Variants in KEAP1 observed in about 807,000 individuals in gnomAD.
KEAP1 encodes kelch-like ECH-associated protein 1.
Under a neutral mutation model 59.7 loss-of-function variants are expected in KEAP1, and 26 were observed. The observed-to-expected ratio is 0.44, with a 90% CI of 0.32 to 0.60. The LOEUF is 0.60. Among genes scored for constraint, KEAP1 ranks in the 20% least tolerant of loss-of-function variants. The pLI is 0.06. For synonymous variants in KEAP1, 350 were observed against 358.3 expected (o/e 0.98, Z 0.26); for missense variants, 539 against 871.4 (o/e 0.62, Z 4.80).
At chr19:10,497,579 C>T (rs1914893605) in intron 2 of KEAP1, among the ~76,000 whole-genome samples, 1 of 152,162 alleles carries the variant, frequency 6.6e-6, no homozygotes, top group Non-Finnish European at 1.5e-5. Context: ...ACAGCAAGTG[C>T]TCAATAAACA....
intron 2 of KEAP1, among the ~76,000 whole-genome samples, chr19:10,497,484 G>T (rs547808877): frequency 1.3e-5 from 2 of 152,288 alleles, no homozygotes; most frequent in South Asian, 4.1e-4. Flanking sequence ...GCTTGCCTAG[G>T]CTGAAGGGTA....
At chr19:10,494,306 G>T (rs1365945608) in intron 2 of KEAP1, among the ~76,000 whole-genome samples, 1 of 148,896 alleles carries the variant, frequency 6.7e-6, no homozygotes, top group Non-Finnish European at 1.5e-5. Flanking sequence ...TTACAGGTGT[G>T]CATCACCATA....
intron 1 of KEAP1, 29 bp from the exon 2 acceptor site, chr19:10,500,109 G>T (rs1208893368): frequency 2.1e-6 from 3 of 1,452,482 alleles, no homozygotes; most frequent in Non-Finnish European, 2.7e-6. Context: ...AGGGCAGAGG[G>T]CAGGGGTTGG....
rs2144632078 is a variant in KEAP1, at chr19:10,500,064, C to G, written c.-31G>C. 6.6e-7 allele frequency: 1 copy of G among 1,524,618 alleles called. No homozygotes were observed. Among genetic ancestry groups the G allele is most frequent in the Non-Finnish European group, 8.8e-7 (1 of 1,136,572 alleles). The allele number at this position is 1,524,618 out of a possible 1,614,324, so 94.4% of individuals were successfully genotyped here. A position where few individuals can be genotyped will look rare whatever the true frequency, so the allele number is the denominator to read the frequency against. ...TCCAGAAGATAAGCAACACCACCAC[C>G]TCTGGCACTCAGGGACCTGGAGGGG... On this transcript the variant is annotated 5_prime_UTR_variant, in exon 2 of 6. Transcript: ENST00000171111.
rs1330791324 is a variant in KEAP1, at chr19:10,502,317, G to A, written c.-48+924C>T. 6.6e-6 allele frequency: 1 copy of A among 152,316 alleles called. No individual in the cohort carries two copies. The highest frequency in any genetic ancestry group is 1.5e-5 in the Non-Finnish European group (1 of 68,156). The allele number at this position is 152,316 out of a possible 1,614,324, so 9.4% of individuals were successfully genotyped here. A position where few individuals can be genotyped will look rare whatever the true frequency, so the allele number is the denominator to read the frequency against. On this transcript the variant is annotated intron_variant, in intron 1 of 5. Transcript: ENST00000171111. This position sits in a 1 kb window ranked among gnomAD's most constrained non-coding sequence, Gnocchi z 4.0. ...GGGCACTTCCCCCACCCTACAAAGC[G>A]GCAAGTGGGCGACTGCGCATGCCCC...
chr19:10,491,806 C>T lies in KEAP1; in HGVS notation c.1096G>A (p.Ala366Thr), dbSNP rs2144599202. Residue 366 changes from alanine (A) to threonine (T), a missense_variant, in exon 3 of 6, where the codon GCC becomes ACC. By Grantham distance (58) the Ala-to-Thr change is moderately conservative. Around this residue, in one of 4 missense-constraint regions of KEAP1, gnomAD observed 311 missense variants for 425.2 expected, o/e 0.73. Coordinates refer to ENST00000171111, the MANE Select transcript of KEAP1 (RefSeq NM_203500.2). This position sits in a 1 kb window ranked among gnomAD's most constrained non-coding sequence, Gnocchi z 5.2. Reference protein sequence around the residue: ...ADLQVPRSGLAGCVVGGLLYA... With the variant: ...ADLQVPRSGLTGCVVGGLLYA... ...AACAGCCCGCCCACCACGCAGCCGG[C>T]CAGGCCGCTCCGCGGCACCTGCAGG... The T allele has an allele frequency of 6.3e-7, 1 of 1,596,490 alleles. No individual in the cohort carries two copies. Among genetic ancestry groups the T allele is most frequent in the African/African-American group, 1.3e-5 (1 of 74,628 alleles).
chr19:10,489,481 A>C, intron 4 of KEAP1, 113 bp from the exon 5 acceptor site: 1 of 1,282,020 alleles, frequency 7.8e-7, no homozygotes, highest in Non-Finnish European at 1.1e-6. Flanking sequence ...ACCCTCAGAA[A>C]TGAAGCGGGG....
intron 2 of KEAP1, among the ~76,000 whole-genome samples, chr19:10,497,659 GGATT>G (rs1181829217): frequency 6.6e-6 from 1 of 152,146 alleles, no homozygotes; most frequent in Non-Finnish European, 1.5e-5. Context: ...CAAAGCCAGA[GGATT>G]GTTCAAAGCC....
chr19:10,498,967 T>C (rs1016184815), intron 2 of KEAP1, among the ~76,000 whole-genome samples: 5 of 152,106 alleles, frequency 3.3e-5, no homozygotes, highest in Admixed American at 2.0e-4. Flanking sequence ...CCTGAGCAGC[T>C]GGGACTACAG....
intron 5 of KEAP1, among the ~76,000 whole-genome samples, chr19:10,487,333 TG>T (rs1414259058): frequency 2.0e-5 from 3 of 149,680 alleles, no homozygotes. Flanking sequence ...GGCAACAGAG[TG>T]AGACCCTATC....
At chr19:10,487,482 C>A (rs1225110621) in intron 5 of KEAP1, among the ~76,000 whole-genome samples, 1 of 150,756 alleles carries the variant, frequency 6.6e-6, no homozygotes, top group Non-Finnish European at 1.5e-5. Context: ...CAGAGTGAAA[C>A]CCTGTATCTA....
rs778819830 is a variant in KEAP1, at chr19:10,491,549, G to C, written c.1325+28C>G. ...GGACTTGCCAGGAGCAGGACCCTCC[G>C]AGCCCACCCCCAGGCCCTGCCACTC... On this transcript the variant is annotated intron_variant, in intron 3 of 5. Transcript: ENST00000171111. The surrounding 1 kb of genome is among the most constrained non-coding windows in gnomAD (Gnocchi z 5.2). 6.7e-7 allele frequency: 1 copy of C among 1,486,300 alleles called. No individual in the cohort carries two copies. The highest frequency in any genetic ancestry group is 1.4e-5 in the South Asian group (1 of 71,616). The allele number at this position is 1,486,300 out of a possible 1,614,324, so 92.1% of individuals were successfully genotyped here.
At chr19:10,490,251 CAAAAAAAA>C (rs796097627) in intron 3 of KEAP1, 1 of 97,054 alleles carries the variant, frequency 1.0e-5, no homozygotes, top group Non-Finnish European at 2.1e-5. Context: ...GACTCCATCT[CAAAAAAAA>C]AAAAAGAAAA....
intron 2 of KEAP1, among the ~76,000 whole-genome samples, chr19:10,498,399 G>C (rs1044992699): frequency 6.6e-6 from 1 of 151,556 alleles, no homozygotes; most frequent in South Asian, 2.1e-4. Flanking sequence ...TAGAGATGGG[G>C]TTTCACCATA....
At chr19:10,493,930 A>G (rs1914764865) in intron 2 of KEAP1, among the ~76,000 whole-genome samples, 1 of 151,898 alleles carries the variant, frequency 6.6e-6, no homozygotes, top group South Asian at 2.1e-4. Flanking sequence ...TACAGGCGTG[A>G]GCCACCGGAC....
In KEAP1 at chr19:10,503,121, G is replaced by A. The variant is rs571052508; in HGVS notation, c.-48+120C>T. 6.6e-6 allele frequency: 1 copy of A among 152,232 alleles called. No homozygotes were observed. Among genetic ancestry groups the A allele is most frequent in the Admixed American group, 6.5e-5 (1 of 15,288 alleles). 9.4% of individuals were successfully genotyped at this position (152,232 alleles called of 1,614,324 possible). ...AGCCCCCAGGTCGCCTCCGTAGGGG[G>A]TCCCTCGGGGTGGGGATGGCCGGGG... On this transcript the variant is annotated intron_variant, in intron 1 of 5. Coordinates refer to ENST00000171111, the MANE Select transcript of KEAP1 (RefSeq NM_203500.2). The surrounding 1 kb of genome is among the most constrained non-coding windows in gnomAD (Gnocchi z 4.3).
chr19:10,489,122 GAAAGCA>G (rs1359636060), intron 5 of KEAP1, 64 bp downstream of exon 5: 415 of 695,086 alleles, frequency 6.0e-4, no homozygotes, highest in South Asian at 1.0e-3. Flanking sequence ...AAAAAAAAAG[GAAAGCA>G]AAAGCAAAAG....
At chr19:10,498,217 T>C (rs1914919243) in intron 2 of KEAP1, among the ~76,000 whole-genome samples, 1 of 126,566 alleles carries the variant, frequency 7.9e-6, no homozygotes, top group Non-Finnish European at 1.6e-5. Flanking sequence ...TTTTTTTTTT[T>C]GAGACAGAGT....
chr19:10,488,137 A>T (rs1405411144), intron 5 of KEAP1, among the ~76,000 whole-genome samples: 1 of 151,912 alleles, frequency 6.6e-6, no homozygotes, highest in Non-Finnish European at 1.5e-5. Context: ...TCAAAAAAAA[A>T]TTAGCTAGGC....
Sources: gnomAD v4.1 joint callset for allele counts (sites outside exome capture counted in the v4.1 genomes callset) on GRCh38, gnomAD v4.1.1 for gene constraint, gnomAD v4.1.1 regional missense constraint, Gnocchi (gnomAD v3.1) non-coding constraint, MANE v1.5 for transcripts, NCBI Gene and HGNC (gene_info 2026-07-23, HGNC 2026-07-21) for gene names.